MED14: variants seen among roughly 807,000 people sequenced by gnomAD.
MED14 encodes mediator complex subunit 14.
MED14 carries 8 observed loss-of-function variants against 109.0 expected under a neutral mutation model. That is an observed-to-expected ratio of 0.07 (90% confidence interval 0.04 to 0.13). MED14 has a LOEUF of 0.13. MED14 is among the 10% of genes least tolerant of loss of function. MED14 has a pLI of 1.00. For missense variants in MED14, 711 were observed against 1,142.4 expected (o/e 0.62, Z 5.44); for synonymous variants, 399 against 408.7 (o/e 0.98, Z 0.29).
chrX:40,701,119 A>T (rs370451778), intron 12 of MED14, 46 bp downstream of exon 12: 16 of 951,168 alleles, frequency 1.7e-5, no homozygotes, highest in Non-Finnish European at 2.4e-5. Context: ...ATATCTTGTC[A>T]AAATAAGTTT....
At chrX:40,667,194 G>A (rs1273013084) in intron 23 of MED14, among the ~76,000 whole-genome samples, 1 of 112,010 alleles carries the variant, frequency 8.9e-6, no homozygotes, top group Non-Finnish European at 1.9e-5. Context: ...AAAAATTCCT[G>A]CCCTCACAAA....
intron 11 of MED14, among the ~76,000 whole-genome samples, chrX:40,702,346 GTTTTT>G (rs35345632): frequency 1.2e-5 from 1 of 82,204 alleles, no homozygotes; most frequent in Admixed American, 1.4e-4. Context: ...TATAAGTTTT[GTTTTT>G]TTTTTTTTTT....
At chrX:40,694,439 A>C (rs976981520) in intron 13 of MED14, among the ~76,000 whole-genome samples, 1 of 111,229 alleles carries the variant, frequency 9.0e-6, no homozygotes, top group Non-Finnish European at 1.9e-5. Flanking sequence ...ACCAACACAC[A>C]TTCTTTTCCA....
chrX:40,732,250 G>A (rs763653009), intron 1 of MED14, among the ~76,000 whole-genome samples: 1 of 112,833 alleles, frequency 8.9e-6, no homozygotes, highest in East Asian at 2.8e-4. Flanking sequence ...TGGGCACAGC[G>A]GCTCACGCCT....
intron 16 of MED14, 103 bp from the exon 17 acceptor site, chrX:40,683,099 C>T: frequency 3.2e-6 from 2 of 632,477 alleles, no homozygotes; most frequent in Non-Finnish European, 4.8e-6. Context: ...TCAAACTCCA[C>T]TTCTAGATAC....
intron 23 of MED14, among the ~76,000 whole-genome samples, chrX:40,671,182 A>G (rs1246201428): frequency 3.6e-5 from 4 of 111,730 alleles, no homozygotes; most frequent in African/African-American, 1.3e-4. Context: ...TCCTCGCTAG[A>G]TGATAAGCTC....
At chrX:40,692,669 A>C in intron 14 of MED14, 39 bp downstream of exon 14, 1 of 1,142,246 alleles carries the variant, frequency 8.8e-7, no homozygotes, top group South Asian at 2.0e-5. Flanking sequence ...CCAAGTTAAC[A>C]CACACAAATT....
intron 10 of MED14, among the ~76,000 whole-genome samples, chrX:40,704,872 C>T (rs763015918): frequency 9.0e-6 from 1 of 111,239 alleles, no homozygotes; most frequent in Non-Finnish European, 1.9e-5. Flanking sequence ...AAAGGAAATG[C>T]TTAATGAAGC....
chrX:40,659,758 G>A, intron 26 of MED14, 151 bp from the exon 27 acceptor site: 1 of 441,352 alleles, frequency 2.3e-6, no homozygotes, highest in Non-Finnish European at 3.7e-6. Flanking sequence ...TGGCAACACT[G>A]CAAAAAGAGA....
rs1183568211 is a variant in MED14, at chrX:40,712,124, A to T, written c.889+62T>A. The T allele has an allele frequency of 9.2e-6, 8 of 865,527 alleles. No individual in the cohort carries two copies. In the Admixed American group the frequency reaches 2.2e-4, roughly 23 times the overall value. 71.3% of individuals were successfully genotyped at this position (865,527 alleles called of 1,213,427 possible). ...ACAGTTCAAGACTAAGGACAAATGAAAAATGTGGGAGAGGTACCACAAAAT... is the reference window on the plus strand; with the variant it reads ...ACAGTTCAAGACTAAGGACAAATGATAAATGTGGGAGAGGTACCACAAAAT... On this transcript the variant is annotated intron_variant, in intron 7 of 30. Coordinates refer to ENST00000324817, the MANE Select transcript of MED14 (RefSeq NM_004229.4).
intron 23 of MED14, among the ~76,000 whole-genome samples, 159 bp downstream of exon 23, chrX:40,671,702 C>T (rs752769866): frequency 8.9e-6 from 1 of 111,881 alleles, no homozygotes; most frequent in East Asian, 2.8e-4. Context: ...ATTTCACAAA[C>T]CTTCCATAAT....
chrX:40,735,356 C>T lies in MED14; in HGVS notation c.57G>A (p.Gly19=). The change falls in exon 1 of 31, where the codon GGG becomes GGA. Residue 19 remains glycine, a synonymous_variant. Coordinates refer to ENST00000324817, the MANE Select transcript of MED14 (RefSeq NM_004229.4). ...HQLVPPGGGG[G]GSGGPPSAPA... ...GGGCTGACGGGGGTCCGCCGCTGCCCCCGCCGCCGCCTCCGGGCGGGACCA... is the reference window on the plus strand; with the variant it reads ...GGGCTGACGGGGGTCCGCCGCTGCCTCCGCCGCCGCCTCCGGGCGGGACCA... 4 of 1,065,198 alleles carry T rather than the reference C, an allele frequency of 3.8e-6. No homozygotes were observed. The highest frequency in any genetic ancestry group is 2.6e-5 in the South Asian group (1 of 39,046). The allele number at this position is 1,065,198 out of a possible 1,213,427, so 87.8% of individuals were successfully genotyped here.
At chrX:40,682,557 T>C (rs1220384301) in intron 18 of MED14, 46 bp downstream of exon 18, 1 of 453,836 alleles carries the variant, frequency 2.2e-6, no homozygotes, top group Non-Finnish European at 3.0e-6. Context: ...GGGTGAGGGC[T>C]TTTTTTTTTT....
At chrX:40,692,514 T>C (rs947731473) in intron 14 of MED14, among the ~76,000 whole-genome samples, 194 bp downstream of exon 14, 2 of 112,214 alleles carry the variant, frequency 1.8e-5, no homozygotes, top group East Asian at 5.5e-4. Flanking sequence ...AGTTCTCTCA[T>C]GGAAAATGGT....
At chrX:40,677,570 T>A (rs1156527898) in intron 21 of MED14, among the ~76,000 whole-genome samples, 1 of 111,291 alleles carries the variant, frequency 9.0e-6, no homozygotes, top group Non-Finnish European at 1.9e-5. Context: ...AAAAAAAACC[T>A]TTTGAAAAAA....
intron 28 of MED14, among the ~76,000 whole-genome samples, chrX:40,657,194 C>A (rs1227404161): frequency 9.0e-6 from 1 of 111,712 alleles, no homozygotes; most frequent in Non-Finnish European, 1.9e-5. Flanking sequence ...CAGCCAAAAG[C>A]CATCTTTTTA....
intron 16 of MED14, among the ~76,000 whole-genome samples, chrX:40,687,980 C>T (rs909645386): frequency 1.8e-5 from 2 of 111,698 alleles, no homozygotes; most frequent in Admixed American, 9.5e-5. Context: ...TTTGGGAGGC[C>T]GAGGTGGGTG....
chrX:40,710,030 G>A lies in MED14; in HGVS notation c.1122C>T (p.His374=), dbSNP rs374558485. The A allele has an allele frequency of 2.1e-5, 25 of 1,181,384 alleles. No homozygotes were observed. Among genetic ancestry groups the A allele is most frequent in the Non-Finnish European group, 2.7e-5 (24 of 876,673 alleles). ...AATCAGAAGCTGGCAAAGGAGGATCGTGAAAAATCTGTAAAGGCTTGGAGA... is the reference window on the plus strand; with the variant it reads ...AATCAGAAGCTGGCAAAGGAGGATCATGAAAAATCTGTAAAGGCTTGGAGA... ...NDVSKPLQIF[H]DPPLPASDSK... Residue 374 remains histidine (H), a synonymous_variant, in exon 9 of 31, where the codon CAC becomes CAT. Coordinates refer to ENST00000324817, the MANE Select transcript of MED14 (RefSeq NM_004229.4).
intron 28 of MED14, among the ~76,000 whole-genome samples, chrX:40,655,369 G>T (rs762472633): frequency 7.2e-5 from 8 of 110,964 alleles, no homozygotes; most frequent in Admixed American, 1.9e-4. Flanking sequence ...GCCACCATGT[G>T]CAGGGCTTTA....
Sources: gnomAD v4.1 joint callset for allele counts (sites outside exome capture counted in the v4.1 genomes callset) on GRCh38, gnomAD v4.1.1 for gene constraint, MANE v1.5 for transcripts, NCBI Gene and HGNC (gene_info 2026-07-23, HGNC 2026-07-21) for gene names.